MUC20: variants seen among roughly 807,000 people sequenced by gnomAD.
MUC20 encodes mucin 20, cell surface associated, also known as mucin-20.
In MUC20, 14 loss-of-function variants were observed where a neutral mutation model predicts 23.8. That is an observed-to-expected ratio of 0.59 (90% CI 0.39 to 0.92). The LOEUF is 0.92. Among genes scored for constraint, MUC20 ranks in the 40% least tolerant of loss-of-function variants. The probability of loss-of-function intolerance (pLI) is 0.00; values close to 1 mark genes in which losing one functional copy is unlikely to be tolerated. For missense variants in MUC20, 375 were observed against 668.8 expected (o/e 0.56, Z 4.85); for synonymous variants, 166 against 279.3 (o/e 0.59, Z 4.04).
At chr3:195,731,975 C>CTTTTCTTTTGTTTTG (rs1713433977) in intron 3 of MUC20, among the ~76,000 whole-genome samples, 1 of 151,186 alleles carries the variant, frequency 6.6e-6, no homozygotes, top group Non-Finnish European at 1.5e-5. Context: ...AAGCCAATTG[C>CTTTTCTTTTGTTTTG]TTTTGTTTTG....
chr3:195,726,648 G>C, intron 2 of MUC20, 76 bp downstream of exon 2: 1 of 1,499,474 alleles, frequency 6.7e-7, no homozygotes, highest in East Asian at 2.3e-5. Context: ...TTGAGGAGTG[G>C]AGAGGAGGGA....
chr3:195,721,300 ACC>A (rs1712068079), intron 1 of MUC20, among the ~76,000 whole-genome samples: 1 of 152,112 alleles, frequency 6.6e-6, no homozygotes, highest in South Asian at 2.1e-4. Context: ...ACACTAATCA[ACC>A]ATGACGATGT....
At chr3:195,729,965 T>C in intron 3 of MUC20, 1 of 579,310 alleles carries the variant, frequency 1.7e-6, no homozygotes, top group Non-Finnish European at 3.0e-6. Flanking sequence ...ATGTGACTCC[T>C]AGAGCCCCCA....
At chr3:195,730,414 C>T (rs1045165301) in intron 3 of MUC20, among the ~76,000 whole-genome samples, 1 of 152,256 alleles carries the variant, frequency 6.6e-6, no homozygotes, top group Non-Finnish European at 1.5e-5. Flanking sequence ...GGTGCGATCT[C>T]AGCTCACTGC....
rs372194027 is a variant in MUC20 at position 195,726,520 on chromosome 3, A to G, written c.1917A>G (p.Pro639=). Residue 639 remains proline (P), a synonymous_variant, in exon 2 of 4, where the codon CCA becomes CCG. Coordinates refer to ENST00000447234, the MANE Select transcript of MUC20 (RefSeq NM_001282506.2). ...TTSAKTTMKP[P]TATPTTARTR... ...CAGCGAAGACCACGATGAAGCCCCCAACAGCCACGCCCACGACTGCCCGGA... is the reference window on the plus strand; with the variant it reads ...CAGCGAAGACCACGATGAAGCCCCCGACAGCCACGCCCACGACTGCCCGGA... The G allele has an allele frequency of 6.8e-6, 11 of 1,613,866 alleles. No individual in the cohort carries two copies. The highest frequency in any genetic ancestry group is 8.5e-6 in the Non-Finnish European group (10 of 1,179,884).
Position 195,733,213 on chromosome 3 carries a change from G to A in MUC20, c.2125G>A (p.Gly709Ser). 1 of 1,590,648 alleles carries A rather than the reference G, an allele frequency of 6.3e-7. No individual in the cohort carries two copies. The highest frequency in any genetic ancestry group is 1.8e-5 in the Admixed American group (1 of 56,742). ...GGTCTCCTTACTGCGTGTCAGGAGA[G>A]GCTAACGGACATCAGCTGCAGCCAG... ...FQVSLLRVRR[G>S] is the part of the protein sequence containing the mutation. The change falls in exon 4 of 4, where the codon GGC (glycine) becomes AGC (serine). Residue 709 changes from glycine to serine, a missense_variant. Physicochemically the swap from Gly to Ser is moderately conservative, Grantham distance 56. Coordinates refer to ENST00000447234, the MANE Select transcript of MUC20 (RefSeq NM_001282506.2).
chr3:195,730,243 CT>C (rs1434098057), intron 3 of MUC20: 1 of 156,396 alleles, frequency 6.4e-6, no homozygotes, highest in African/African-American at 2.4e-5. Flanking sequence ...TCCCTTCATT[CT>C]TCAGAGTCTT....
chr3:195,728,306 A>G (rs1168149459), intron 2 of MUC20, among the ~76,000 whole-genome samples: 1 of 152,286 alleles, frequency 6.6e-6, no homozygotes, highest in Admixed American at 6.5e-5. Flanking sequence ...TATTTTAGCA[A>G]AAAGGAATGT....
Position 195,733,531 on chromosome 3 carries a change from A to G in MUC20, c.*313A>G. Reference sequence around the variant, plus strand: ...ATCTGTGTGCTTCCATCCTGCATTAAAATTCACTCAGTGTGGCCCAGAGGC... The same window carrying G: ...ATCTGTGTGCTTCCATCCTGCATTAGAATTCACTCAGTGTGGCCCAGAGGC... On this transcript the variant is annotated 3_prime_UTR_variant, in exon 4 of 4. Coordinates refer to ENST00000447234, the MANE Select transcript of MUC20 (RefSeq NM_001282506.2). 2 of 1,326,092 alleles carry G rather than the reference A, an allele frequency of 1.5e-6. No individual in the cohort carries two copies. Among genetic ancestry groups the G allele is most frequent in the African/African-American group, 2.9e-5 (2 of 68,224 alleles). The allele number at this position is 1,326,092 out of a possible 1,614,324, so 82.1% of individuals were successfully genotyped here.
At chr3:195,723,562 C>A in intron 1 of MUC20, among the ~76,000 whole-genome samples, 1 of 121,540 alleles carries the variant, frequency 8.2e-6, no homozygotes, top group Non-Finnish European at 1.7e-5. Flanking sequence ...AGTATGTAGC[C>A]AATATTGCAT....
chr3:195,733,220 G>T lies in MUC20; in HGVS notation c.*2G>T. ...TTACTGCGTGTCAGGAGAGGCTAAC[G>T]GACATCAGCTGCAGCCAGGCATGTC... is the stretch of plus-strand genomic sequence containing the variant. On this transcript the variant is annotated 3_prime_UTR_variant, in exon 4 of 4. Transcript: ENST00000447234. 6.3e-7 allele frequency: 1 copy of T among 1,587,536 alleles called. No homozygotes were observed. The highest frequency in any genetic ancestry group is 8.6e-7 in the Non-Finnish European group (1 of 1,168,024).
rs528240824 is a variant in MUC20 at position 195,729,834 on chromosome 3, C to G, written c.2061+95C>G. 8 of 1,228,794 alleles carry G rather than the reference C, an allele frequency of 6.5e-6. No homozygotes were observed. The Admixed American group carries it at 1.0e-4, about 16-fold the overall frequency. The allele number at this position is 1,228,794 out of a possible 1,614,324, so 76.1% of individuals were successfully genotyped here. On this transcript the variant is annotated intron_variant, in intron 3 of 3. Transcript: ENST00000447234. ...CCGCAGGACACAGAAGAGCAGCTAC[C>G]GCGCTTGGAAGGGAGTCTCGTTTCT... is the stretch of plus-strand genomic sequence containing the variant.
At chr3:195,727,569 G>T (rs527627406) in intron 2 of MUC20, among the ~76,000 whole-genome samples, 1 of 152,268 alleles carries the variant, frequency 6.6e-6, no homozygotes, top group Non-Finnish European at 1.5e-5. Flanking sequence ...CTGTGTATCC[G>T]CAGCTTGTTA....
At position 195,733,277 on chromosome 3, in the gene MUC20, C is replaced by T. The variant is rs1713590155; in HGVS notation, c.*59C>T. On this transcript the variant is annotated 3_prime_UTR_variant, in exon 4 of 4. Transcript: ENST00000447234. ...GCCAAAAGAGGGTGCTGCCCCTAGCCTGGGCCCCCACCGACAGACTGCAGC... is the reference window on the plus strand; with the variant it reads ...GCCAAAAGAGGGTGCTGCCCCTAGCTTGGGCCCCCACCGACAGACTGCAGC... 1 of 1,555,250 alleles carries T rather than the reference C, an allele frequency of 6.4e-7. No individual in the cohort carries two copies. Among genetic ancestry groups the T allele is most frequent in the African/African-American group, 1.4e-5 (1 of 73,314 alleles).
chr3:195,728,897 C>A (rs1322752410), intron 2 of MUC20, among the ~76,000 whole-genome samples: 2 of 152,222 alleles, frequency 1.3e-5, no homozygotes, highest in African/African-American at 4.8e-5. Flanking sequence ...CAAGGCACGT[C>A]CTGCACAGCC....
rs533088219 is a variant in MUC20, at chr3:195,728,497, A to C, written c.1970-1151A>C. ...AAGAATAATAAAGCAGCATTGCTGC[A>C]AACATGTCTCACCTCCCGCCACAGG... On this transcript the variant is annotated intron_variant, in intron 2 of 3. Coordinates refer to ENST00000447234, the MANE Select transcript of MUC20 (RefSeq NM_001282506.2). Among the ~76,000 whole-genome samples the C allele has an allele frequency of 2.2e-4, 34 of 152,398 alleles. No individual in the cohort carries two copies. In the East Asian group the frequency reaches 6.0e-3, roughly 27 times the overall value.
At chr3:195,731,292 G>T (rs1241698538) in intron 3 of MUC20, among the ~76,000 whole-genome samples, 1 of 152,282 alleles carries the variant, frequency 6.6e-6, no homozygotes, top group Non-Finnish European at 1.5e-5. Context: ...AAACCTGGCA[G>T]AGATGCTGGC....
chr3:195,732,464 A>G (rs1713496581), intron 3 of MUC20, among the ~76,000 whole-genome samples: 2 of 152,098 alleles, frequency 1.3e-5, no homozygotes. Flanking sequence ...GATTCAAGCA[A>G]TTCTCCTGCC....
intron 3 of MUC20, among the ~76,000 whole-genome samples, chr3:195,732,031 T>A (rs375251264): frequency 6.6e-6 from 1 of 152,318 alleles, no homozygotes; most frequent in East Asian, 1.9e-4. Flanking sequence ...TGAGACTGAG[T>A]CTCACTCTGT....
Sources: allele counts gnomAD v4.1 joint callset (sites outside exome capture counted in the v4.1 genomes callset), GRCh38; gene constraint gnomAD v4.1.1; transcripts MANE v1.5; gene names NCBI Gene and HGNC (gene_info 2026-07-23, HGNC 2026-07-21).